The following HSD17B11 variants were observed in gnomAD, a reference collection of about 807,000 sequenced individuals.
HSD17B11 encodes the protein estradiol 17-beta-dehydrogenase 11.
Under a neutral mutation model 27.8 loss-of-function variants are expected in HSD17B11, and 22 were observed. That is an observed-to-expected ratio of 0.79 (90% confidence interval 0.56 to 1.13). The LOEUF (loss-of-function observed/expected upper bound fraction) is 1.13, where lower values mean the gene tolerates loss of function less well. Ranked by LOEUF, HSD17B11 falls within the 50% of genes most tolerant of loss-of-function variation. The pLI, the probability that HSD17B11 is intolerant of heterozygous loss-of-function variation, is 0.00. For missense variants in HSD17B11, 314 were observed against 351.1 expected (o/e 0.89, Z 0.84); for synonymous variants, 117 against 132.8 (o/e 0.88, Z 0.82).
chr4:87,390,784 A>G (rs1720436908), intron 1 of HSD17B11, 77 bp downstream of exon 1: 7 of 1,282,072 alleles, frequency 5.5e-6, no homozygotes, highest in Non-Finnish European at 7.9e-6. Flanking sequence ...GATGAGGTAA[A>G]GGGTGGTTGC....
intron 4 of HSD17B11, among the ~76,000 whole-genome samples, chr4:87,359,665 A>G (rs912950658): frequency 1.2e-4 from 18 of 152,288 alleles, no homozygotes; most frequent in South Asian, 6.2e-4. Flanking sequence ...TACCTGGCCT[A>G]TTCTAAATAA....
intron 1 of HSD17B11, among the ~76,000 whole-genome samples, chr4:87,386,193 G>C (rs1720313028): frequency 6.8e-6 from 1 of 146,312 alleles, no homozygotes; most frequent in African/African-American, 2.6e-5. Flanking sequence ...CACACCTTCT[G>C]AATTGTGAAA....
chr4:87,377,919 C>A (rs77195530), intron 2 of HSD17B11, among the ~76,000 whole-genome samples: 8,619 of 152,192 alleles, frequency 0.057, 831 homozygotes, highest in African/African-American at 0.2. Context: ...AATGAGACAG[C>A]AATTCTTATA....
intron 4 of HSD17B11, among the ~76,000 whole-genome samples, chr4:87,361,692 G>T (rs564135511): frequency 4.6e-5 from 7 of 152,182 alleles, no homozygotes; most frequent in Admixed American, 1.3e-4. Flanking sequence ...GCGTGAACCC[G>T]GGAGGCGGAG....
At chr4:87,378,817 A>T (rs1253114793) in intron 2 of HSD17B11, among the ~76,000 whole-genome samples, 3 of 73,502 alleles carry the variant, frequency 4.1e-5, no homozygotes, top group African/African-American at 5.3e-5. Flanking sequence ...ATATAAATAT[A>T]AAATATATAT....
chr4:87,388,789 A>T (rs1041821267), intron 1 of HSD17B11, among the ~76,000 whole-genome samples: 10 of 152,236 alleles, frequency 6.6e-5, no homozygotes, highest in Non-Finnish European at 1.3e-4. Flanking sequence ...GGTGCTCAAT[A>T]AATATTTGTT....
At chr4:87,382,512 A>AC (rs1720203649) in intron 1 of HSD17B11, 150 bp from the exon 2 acceptor site, 3 of 489,606 alleles carry the variant, frequency 6.1e-6, no homozygotes, top group Admixed American at 3.4e-5. Flanking sequence ...TTTGGCAGGT[A>AC]TATAGGCACA....
At chr4:87,362,422 A>T (rs1735534623) in intron 4 of HSD17B11, among the ~76,000 whole-genome samples, 1 of 152,220 alleles carries the variant, frequency 6.6e-6, no homozygotes, top group South Asian at 2.1e-4. Flanking sequence ...GCTACTCAGG[A>T]CACTGAGGCA....
Position 87,381,760 on chromosome 4 carries a change from C to CA in HSD17B11, c.318+494dup, listed in dbSNP as rs33982875. ...GGTAACAGAGTGAGACCCCCCATCTCAAAAAAAAAAAAAAAAGAGAAAAGA... is the reference window on the plus strand; with the variant it reads ...GGTAACAGAGTGAGACCCCCCATCTCAAAAAAAAAAAAAAAAAGAGAAAAGA... On this transcript the variant is annotated intron_variant, in intron 2 of 6. Coordinates refer to ENST00000358290, the MANE Select transcript of HSD17B11 (RefSeq NM_016245.5). Among the ~76,000 whole-genome samples, 60 of 132,738 alleles carry CA rather than the reference C, an allele frequency of 4.5e-4. No individual in the cohort carries two copies. In the South Asian group the frequency reaches 4.9e-3, roughly 11 times the overall value. The allele number at this position is 132,738 out of a possible 152,430, so 87.1% of individuals were successfully genotyped here. A position where few individuals can be genotyped will look rare whatever the true frequency, so the allele number is the denominator to read the frequency against.
rs747547865 is a variant in HSD17B11, at chr4:87,382,243, A to G, written c.318+12T>C. 7.5e-6 allele frequency: 12 copies of G among 1,592,960 alleles called. No individual in the cohort carries two copies. The highest frequency in any genetic ancestry group is 1.0e-5 in the Non-Finnish European group (12 of 1,161,008). On this transcript the variant is annotated intron_variant, in intron 2 of 6. Transcript: ENST00000358290. ...TAACATGATATGATTCTAACTAAAC[A>G]CAACATTTCACCTTCTTTGCAGAGC... is the stretch of plus-strand genomic sequence containing the variant.
At chr4:87,339,990 C>T (rs11946391) in intron 6 of HSD17B11, among the ~76,000 whole-genome samples, 9,103 of 152,158 alleles carry the variant, frequency 0.06, 873 homozygotes, top group African/African-American at 0.21. Context: ...CTAACAAACT[C>T]CCAGGTAATG....
At chr4:87,364,554 G>A (rs991625319) in intron 4 of HSD17B11, among the ~76,000 whole-genome samples, 9 of 152,144 alleles carry the variant, frequency 5.9e-5, no homozygotes, top group Admixed American at 1.3e-4. Context: ...CATGCTCTAG[G>A]CCACCTGGAA....
At chr4:87,370,424 T>A (rs978438712) in intron 4 of HSD17B11, among the ~76,000 whole-genome samples, 17 of 152,102 alleles carry the variant, frequency 1.1e-4, no homozygotes, top group African/African-American at 4.1e-4. Context: ...TTATTATTAT[T>A]ATTATTTTTT....
At chr4:87,379,730 C>A in intron 2 of HSD17B11, among the ~76,000 whole-genome samples, 1 of 141,370 alleles carries the variant, frequency 7.1e-6, no homozygotes, top group African/African-American at 2.6e-5. Context: ...ATAGTATATA[C>A]TATTATTAGT....
Position 87,357,424 on chromosome 4 carries a change from TAG to T in HSD17B11, c.558-10_558-9del, listed in dbSNP as rs747852412. 28 of 1,609,320 alleles carry T rather than the reference TAG, an allele frequency of 1.7e-5. No individual in the cohort carries two copies. Among genetic ancestry groups the T allele is most frequent in the East Asian group, 2.2e-5 (1 of 44,814 alleles). On this transcript the variant is annotated splice_polypyrimidine_tract_variant and intron_variant, in intron 4 of 6. Coordinates refer to ENST00000358290, the MANE Select transcript of HSD17B11 (RefSeq NM_016245.5). ...GCAGCAAACTTGCTTGAACTGAAAA[TAG>T]AGAGTTTACAAAATAATTCAAGAAT...
At chr4:87,342,702 T>C (rs920391665) in intron 5 of HSD17B11, among the ~76,000 whole-genome samples, 12 of 151,764 alleles carry the variant, frequency 7.9e-5, no homozygotes, top group African/African-American at 2.7e-4. Context: ...TGAAGGAGAG[T>C]AGAGCTTAAA....
intron 5 of HSD17B11, among the ~76,000 whole-genome samples, chr4:87,342,243 A>G (rs1440368233): frequency 2.6e-5 from 4 of 152,014 alleles, no homozygotes; most frequent in African/African-American, 7.2e-5. Context: ...TTAGCCAGGC[A>G]TGATGGCAGG....
At position 87,390,910 on chromosome 4, in the gene HSD17B11, T is replaced by C. The variant is rs756372754; in HGVS notation, c.161A>G (p.Tyr54Cys). The C allele has an allele frequency of 2.3e-5, 37 of 1,614,084 alleles. No individual in the cohort carries two copies. The highest frequency in any genetic ancestry group is 1.6e-4 in the Middle Eastern group (1 of 6,084). The change falls in exon 1 of 7, where the codon TAT becomes TGT. Residue 54 changes from tyrosine (Y) to cysteine (C), a missense_variant. Tyr to Cys is a radical substitution (Grantham distance 194). Coordinates refer to ENST00000358290, the MANE Select transcript of HSD17B11 (RefSeq NM_016245.5). ...CTTGCTTTTAAGTTTAGCAAATTCA[T>C]AGGCAGTCAGTCTCCCAATTCCATG... is the stretch of plus-strand genomic sequence containing the variant. ...AGHGIGRLTA[Y>C]EFAKLKSKLV...
At chr4:87,370,815 C>G (rs1456249216) in intron 4 of HSD17B11, among the ~76,000 whole-genome samples, 4 of 103,236 alleles carry the variant, frequency 3.9e-5, no homozygotes, top group East Asian at 4.1e-4. Context: ...TGTAGTGGCG[C>G]GATCTCGGCT....
Sources: allele counts gnomAD v4.1 joint callset (sites outside exome capture counted in the v4.1 genomes callset), GRCh38; gene constraint gnomAD v4.1.1; transcripts MANE v1.5; gene names NCBI Gene and HGNC (gene_info 2026-07-23, HGNC 2026-07-21).